Variants in EDC4 observed in about 807,000 individuals in gnomAD.
The protein encoded by EDC4 is enhancer of mRNA decapping 4, also known as enhancer of mRNA-decapping protein 4.
Under a neutral mutation model 155.8 loss-of-function variants are expected in EDC4, and 64 were observed. The observed-to-expected ratio is 0.41, with a 90% CI of 0.34 to 0.51. The LOEUF (loss-of-function observed/expected upper bound fraction) is 0.51, where lower values mean the gene tolerates loss of function less well. Among genes scored for constraint, EDC4 ranks in the 20% least tolerant of loss-of-function variants. EDC4 has a pLI of 0.19. For synonymous variants in EDC4, 684 were observed against 716.8 expected, an observed-to-expected ratio of 0.95 and a Z score of 0.73; for missense variants, 1,303 against 1,812.5, an observed-to-expected ratio of 0.72 and a Z score of 5.10.
rs768473976 is a variant in EDC4 at position 67,876,683 on chromosome 16, G to A, written c.351+84G>A. On this transcript the variant is annotated intron_variant, in intron 3 of 28. Transcript: ENST00000358933. The surrounding 1 kb of genome is among the most constrained non-coding windows in gnomAD (Gnocchi z 5.8). ...TCTCCCTCATGCTGCCAGTTCCTAT[G>A]GGGACCACCTTGACACTTTCCCAGT... 49 of 1,576,996 alleles carry A rather than the reference G, an allele frequency of 3.1e-5. No individual in the cohort carries two copies. Among genetic ancestry groups the A allele is most frequent in the Non-Finnish European group, 4.2e-5 (49 of 1,158,798 alleles).
chr16:67,878,524 G>C lies in EDC4; in HGVS notation c.1089-12G>C. ...GCCCCAGCCAGTCACTCACTGCCTT[G>C]TTGCCTTGCAGTGTCCCTTTCTGGA... On this transcript the variant is annotated splice_polypyrimidine_tract_variant and intron_variant, in intron 9 of 28. Transcript: ENST00000358933. The surrounding 1 kb of genome is among the most constrained non-coding windows in gnomAD (Gnocchi z 5.2). 6.2e-7 allele frequency: 1 copy of C among 1,614,232 alleles called. No individual in the cohort carries two copies. Among genetic ancestry groups the C allele is most frequent in the Non-Finnish European group, 8.5e-7 (1 of 1,180,036 alleles).
In EDC4 at chr16:67,876,730, G is replaced by T; in HGVS notation, c.351+131G>T. On this transcript the variant is annotated intron_variant, in intron 3 of 28. Coordinates refer to ENST00000358933, the MANE Select transcript of EDC4 (RefSeq NM_014329.5). The surrounding 1 kb of genome is among the most constrained non-coding windows in gnomAD (Gnocchi z 5.8). ...CAGTTTCAGGAAGCCAGGGCTGGGT[G>T]CCAAGCCTCTGTGGGAGTCTGGCTC... 6.4e-7 allele frequency: 1 copy of T among 1,555,656 alleles called. No individual in the cohort carries two copies. Among genetic ancestry groups the T allele is most frequent in the East Asian group, 2.3e-5 (1 of 44,344 alleles).
In EDC4 at chr16:67,879,572, C is replaced by A; in HGVS notation, c.1634-15C>A. On this transcript the variant is annotated splice_polypyrimidine_tract_variant and intron_variant, in intron 14 of 28. Coordinates refer to ENST00000358933, the MANE Select transcript of EDC4 (RefSeq NM_014329.5). This position sits in a 1 kb window ranked among gnomAD's most constrained non-coding sequence, Gnocchi z 6.0. ...AGGGTCTGAGATCTAACTCAAGTGGCAACTTGCCCTGCAGCATTTGGAGAG... is the reference window on the plus strand; with the variant it reads ...AGGGTCTGAGATCTAACTCAAGTGGAAACTTGCCCTGCAGCATTTGGAGAG... The A allele has an allele frequency of 6.2e-7, 1 of 1,613,662 alleles. No homozygotes were observed. The highest frequency in any genetic ancestry group is 8.5e-7 in the Non-Finnish European group (1 of 1,179,644).
At position 67,877,728 on chromosome 16, in the gene EDC4, C is replaced by T. The variant is rs373712958; in HGVS notation, c.790-13C>T. 12 of 1,614,056 alleles carry T rather than the reference C, an allele frequency of 7.4e-6. No homozygotes were observed. In the African/African-American group the frequency reaches 1.3e-4, roughly 18 times the overall value. On this transcript the variant is annotated splice_polypyrimidine_tract_variant and intron_variant, in intron 6 of 28. Transcript: ENST00000358933. This position sits in a 1 kb window ranked among gnomAD's most constrained non-coding sequence, Gnocchi z 4.9. ...GGGGTTGGGCTGCACACTCACCTCC[C>T]TGTGCCTTCCAGGCTGAGGTGTGGG...
At chr16:67,875,813 C>A (rs986927267) in intron 1 of EDC4, 132 bp from the exon 2 acceptor site, 11 of 1,490,678 alleles carry the variant, frequency 7.4e-6, no homozygotes, top group Non-Finnish European at 8.9e-6. Context: ...ACAGGGCCCT[C>A]CTCCTCATGG....
Position 67,878,331 on chromosome 16 carries a change from A to T in EDC4, c.1005-29A>T. The T allele has an allele frequency of 6.2e-7, 1 of 1,614,062 alleles. No homozygotes were observed. The highest frequency in any genetic ancestry group is 8.5e-7 in the Non-Finnish European group (1 of 1,180,006). On this transcript the variant is annotated intron_variant, in intron 8 of 28. Transcript: ENST00000358933. This position sits in a 1 kb window ranked among gnomAD's most constrained non-coding sequence, Gnocchi z 5.2. ...CCCGAGGTAGCCCACCCGACCACTC[A>T]CTCAGGCCCCTCATCTGCCTACCTG... is the stretch of plus-strand genomic sequence containing the variant.
Position 67,881,683 on chromosome 16 carries a change from G to T in EDC4, c.2842G>T (p.Glu948Ter). The T allele has an allele frequency of 6.2e-7, 1 of 1,613,522 alleles. No individual in the cohort carries two copies. Among genetic ancestry groups the T allele is most frequent in the Non-Finnish European group, 8.5e-7 (1 of 1,179,544 alleles). ...CTACTGACAGGTGGCAGAGCCCCCT[G>T]AGGACTGGCCAGCACTAATTTGGCA... The part of the protein sequence containing the change: ...LTEHQVAEPP[E>*]DWPALIWQQQ... Residue 948 changes from glutamate (E) to a stop codon, truncating the protein, a stop_gained, in exon 22 of 29, where the codon GAG becomes TAG. Transcript: ENST00000358933. LOFTEE classifies it high-confidence loss of function. This position sits in a 1 kb window ranked among gnomAD's most constrained non-coding sequence, Gnocchi z 5.4.
chr16:67,877,446 G>A lies in EDC4; in HGVS notation c.641+40G>A, dbSNP rs374827397. ...CTGTGGGTGGTGGGACTGAAGAAGG[G>A]TGGGCGGAGCTGGGGTGTCACGCCT... On this transcript the variant is annotated intron_variant, in intron 5 of 28. Transcript: ENST00000358933. This position sits in a 1 kb window ranked among gnomAD's most constrained non-coding sequence, Gnocchi z 4.9. 3 of 1,610,742 alleles carry A rather than the reference G, an allele frequency of 1.9e-6. No homozygotes were observed. In the African/African-American group the frequency reaches 4.0e-5, roughly 22 times the overall value.
chr16:67,881,505 C>T lies in EDC4; in HGVS notation c.2798C>T (p.Ala933Val), dbSNP rs777432890. 2.5e-5 allele frequency: 40 copies of T among 1,614,010 alleles called. No homozygotes were observed. Among genetic ancestry groups the T allele is most frequent in the Non-Finnish European group, 3.3e-5 (39 of 1,180,030 alleles). Residue 933 changes from alanine to valine, a missense_variant, in exon 21 of 29, where the codon GCC becomes GTC. By Grantham distance (64) the Ala-to-Val change is moderately conservative. Coordinates refer to ENST00000358933, the MANE Select transcript of EDC4 (RefSeq NM_014329.5). This position sits in a 1 kb window ranked among gnomAD's most constrained non-coding sequence, Gnocchi z 5.4. ...RKSKKDDGDA[A>V]MGSRLTEHQV... The stretch of plus-strand genomic sequence containing the variant: ...CTTCTCGCCTATGGCAGGGATGCAG[C>T]CATGGGATCCCGGCTCACAGAGCAC...
At chr16:67,875,007 G>A (rs1472949422) in intron 1 of EDC4, among the ~76,000 whole-genome samples, 1 of 152,160 alleles carries the variant, frequency 6.6e-6, no homozygotes, top group Non-Finnish European at 1.5e-5. Context: ...TTGAACCCAG[G>A]GGGTAGAGGT....
At position 67,883,220 on chromosome 16, in the gene EDC4, G is replaced by C. The variant is rs1598179314; in HGVS notation, c.3849+43G>C. 3 of 1,517,172 alleles carry C rather than the reference G, an allele frequency of 2.0e-6. No individual in the cohort carries two copies. In the East Asian group the frequency reaches 7.4e-5, roughly 37 times the overall value. 94.0% of individuals were successfully genotyped at this position (1,517,172 alleles called of 1,614,324 possible). ...CCCTGCTAAGGGTCACGTGTCTCTT[G>C]ACAAGGCCCACATACCATACATTCT... On this transcript the variant is annotated intron_variant, in intron 27 of 28. Transcript: ENST00000358933. This position sits in a 1 kb window ranked among gnomAD's most constrained non-coding sequence, Gnocchi z 5.3.
In EDC4 at chr16:67,878,891, G is replaced by A. The variant is rs752578175; in HGVS notation, c.1287+52G>A. On this transcript the variant is annotated intron_variant, in intron 11 of 28. Coordinates refer to ENST00000358933, the MANE Select transcript of EDC4 (RefSeq NM_014329.5). The surrounding 1 kb of genome is among the most constrained non-coding windows in gnomAD (Gnocchi z 5.2). Reference sequence around the variant, plus strand: ...AGAGTTGGGATTATAGAGGAAGGCCGGGGGGCAGGTGGCGCATCACAGCCC... The same window carrying A: ...AGAGTTGGGATTATAGAGGAAGGCCAGGGGGCAGGTGGCGCATCACAGCCC... 2.4e-5 allele frequency: 38 copies of A among 1,610,624 alleles called. No individual in the cohort carries two copies. The highest frequency in any genetic ancestry group is 2.7e-5 in the African/African-American group (2 of 74,920).
rs2058041291 is a variant in EDC4 at position 67,876,393 on chromosome 16, CT to C, written c.240-93del. 2.6e-6 allele frequency: 4 copies of C among 1,520,832 alleles called. No individual in the cohort carries two copies. Among genetic ancestry groups the C allele is most frequent in the Non-Finnish European group, 3.5e-6 (4 of 1,130,400 alleles). 94.2% of individuals were successfully genotyped at this position (1,520,832 alleles called of 1,614,324 possible). A position where few individuals can be genotyped will look rare whatever the true frequency, so the allele number is the denominator to read the frequency against. ...GCGAAGCTGACATTGGACTAGATACCTTCCCCAGTCTGGCTATGTCCTCGCT... is the reference window on the plus strand; with the variant it reads ...GCGAAGCTGACATTGGACTAGATACCTCCCCAGTCTGGCTATGTCCTCGCT... On this transcript the variant is annotated intron_variant, in intron 2 of 28. Coordinates refer to ENST00000358933, the MANE Select transcript of EDC4 (RefSeq NM_014329.5). The surrounding 1 kb of genome is among the most constrained non-coding windows in gnomAD (Gnocchi z 5.8).
Position 67,876,365 on chromosome 16 carries a change from C to G in EDC4, c.240-123C>G. On this transcript the variant is annotated intron_variant, in intron 2 of 28. Transcript: ENST00000358933. This position sits in a 1 kb window ranked among gnomAD's most constrained non-coding sequence, Gnocchi z 5.8. ...AGCTGTGGGTCTGGGGCCAGTGGAC[C>G]AGGCGAAGCTGACATTGGACTAGAT... 1 of 1,445,480 alleles carries G rather than the reference C, an allele frequency of 6.9e-7. No individual in the cohort carries two copies. Among genetic ancestry groups the G allele is most frequent in the Non-Finnish European group, 9.2e-7 (1 of 1,086,206 alleles). 89.5% of individuals were successfully genotyped at this position (1,445,480 alleles called of 1,614,324 possible). A position where few individuals can be genotyped will look rare whatever the true frequency, so the allele number is the denominator to read the frequency against.
At position 67,883,654 on chromosome 16, in the gene EDC4, G is replaced by A. The variant is rs1380408757; in HGVS notation, c.3936G>A (p.Pro1312=). ...AGGTTTTTGGGCAGCCACCCTGCCCGCTCTCCCAGCCTGTGCTCCTTTCCC... is the reference window on the plus strand; with the variant it reads ...AGGTTTTTGGGCAGCCACCCTGCCCACTCTCCCAGCCTGTGCTCCTTTCCC... ...PAQVFGQPPC[P]LSQPVLLSLI... is the part of the protein sequence containing the mutation. The change falls in exon 28 of 29, where the codon CCG becomes CCA. Residue 1312 remains proline (P), a synonymous_variant. Transcript: ENST00000358933. This position sits in a 1 kb window ranked among gnomAD's most constrained non-coding sequence, Gnocchi z 5.3. 7.4e-6 allele frequency: 12 copies of A among 1,614,164 alleles called. No homozygotes were observed. Among genetic ancestry groups the A allele is most frequent in the South Asian group, 1.1e-5 (1 of 91,088 alleles).
At position 67,877,950 on chromosome 16, in the gene EDC4, C is replaced by T. The variant is rs946841600; in HGVS notation, c.894+105C>T. On this transcript the variant is annotated intron_variant, in intron 7 of 28. Transcript: ENST00000358933. The surrounding 1 kb of genome is among the most constrained non-coding windows in gnomAD (Gnocchi z 4.9). ...CGGGCAGCTTTACTAGCATTCTGCCCGTGGGGACTCTGAGCTCAAATTGGC... is the reference window on the plus strand; with the variant it reads ...CGGGCAGCTTTACTAGCATTCTGCCTGTGGGGACTCTGAGCTCAAATTGGC... 2.0e-5 allele frequency: 30 copies of T among 1,531,472 alleles called. No individual in the cohort carries two copies. The highest frequency in any genetic ancestry group is 1.2e-4 in the Admixed American group (6 of 50,826). 94.9% of individuals were successfully genotyped at this position (1,531,472 alleles called of 1,614,324 possible).
Position 67,878,258 on chromosome 16 carries a change from G to T in EDC4, c.987G>T (p.Glu329Asp). ...TCAAGTTCTGGCAGATCTACATTGA[G>T]GGGCAAGATGAGCCAAGGTAAGGCA... ...GYVKFWQIYIEGQDEPRCLHE... is the reference protein window; with the variant it reads ...GYVKFWQIYIDGQDEPRCLHE... The change falls in exon 8 of 29, where the codon GAG (glutamate) becomes GAT (aspartate). Residue 329 changes from glutamate (E) to aspartate (D), a missense_variant. This residue lies in a region of EDC4 where 235 missense variants were observed against 367.7 expected (regional missense o/e 0.64). Transcript: ENST00000358933. The surrounding 1 kb of genome is among the most constrained non-coding windows in gnomAD (Gnocchi z 5.2). 6.2e-7 allele frequency: 1 copy of T among 1,614,222 alleles called. No individual in the cohort carries two copies. The highest frequency in any genetic ancestry group is 8.5e-7 in the Non-Finnish European group (1 of 1,180,050).
Position 67,881,891 on chromosome 16 carries a change from G to A in EDC4, c.3004+46G>A. On this transcript the variant is annotated intron_variant, in intron 22 of 28. Transcript: ENST00000358933. The surrounding 1 kb of genome is among the most constrained non-coding windows in gnomAD (Gnocchi z 5.4). The stretch of plus-strand genomic sequence containing the variant: ...ACAACATGGCATAGGGACGGGGGCA[G>A]CATTCTTGGCCTGGGAAGGAGTACA... 1 of 1,604,132 alleles carries A rather than the reference G, an allele frequency of 6.2e-7. No individual in the cohort carries two copies. Among genetic ancestry groups the A allele is most frequent in the Non-Finnish European group, 8.5e-7 (1 of 1,172,238 alleles).
chr16:67,875,420 C>T (rs2058037348), intron 1 of EDC4, among the ~76,000 whole-genome samples: 1 of 152,176 alleles, frequency 6.6e-6, no homozygotes, highest in Non-Finnish European at 1.5e-5. Flanking sequence ...AGATTCTCAA[C>T]CATTCTGCAT....
Sources: allele counts gnomAD v4.1 joint callset (sites outside exome capture counted in the v4.1 genomes callset), GRCh38; gene constraint gnomAD v4.1.1; regional missense constraint gnomAD v4.1.1; non-coding constraint Gnocchi (gnomAD v3.1); transcripts MANE v1.5; gene names NCBI Gene and HGNC (gene_info 2026-07-23, HGNC 2026-07-21).